The following TPP2 variants were observed in gnomAD, a reference collection of about 807,000 sequenced individuals.
TPP2 encodes the protein tripeptidyl-peptidase 2.
A neutral mutation model predicts 155.9 loss-of-function variants in TPP2; 34 were observed. The observed-to-expected ratio is 0.22, with a 90% confidence interval of 0.17 to 0.29. TPP2 has a LOEUF of 0.29. Among genes scored for constraint, TPP2 ranks in the 10% least tolerant of loss-of-function variants. The pLI is 1.00. For synonymous variants in TPP2, 510 were observed against 529.4 expected (o/e 0.96, Z 0.50); for missense variants, 1,028 against 1,522.3 (o/e 0.68, Z 5.40).
In TPP2 at chr13:102,664,863, A is replaced by G. The variant is rs1884488088; in HGVS notation, c.3309A>G (p.Thr1103=). The G allele has an allele frequency of 2.5e-6, 4 of 1,613,874 alleles. No homozygotes were observed. Among genetic ancestry groups the G allele is most frequent in the Non-Finnish European group, 3.4e-6 (4 of 1,179,856 alleles). Residue 1103 remains threonine, a synonymous_variant, in exon 27 of 30, where the codon ACA becomes ACG. Transcript: ENST00000376052. ...CTGTTATTTCTCATATAGATCAAAC[A>G]GCCCTAGCAGTTTATATTGCAATGA... ...ANAVISHIDQ[T]ALAVYIAMKT...
At position 102,597,161 on chromosome 13, in the gene TPP2, A is replaced by C; in HGVS notation, c.123A>C (p.Ala41=). ...PEYDGRGVLI[A]VLDTGVDPGA... The stretch of plus-strand genomic sequence containing the variant: ...ATGATGGGCGGGGGGTGCTCATCGC[A>C]GTCCTGGACACGGGGGTCGACCCGG... The change falls in exon 1 of 30, where the codon GCA becomes GCC. Residue 41 remains alanine, a synonymous_variant. Transcript: ENST00000376052. 6.3e-7 allele frequency: 1 copy of C among 1,589,482 alleles called. No individual in the cohort carries two copies. Among genetic ancestry groups the C allele is most frequent in the African/African-American group, 1.4e-5 (1 of 72,622 alleles).
intron 24 of TPP2, among the ~76,000 whole-genome samples, chr13:102,653,980 A>G (rs961152637): frequency 6.6e-6 from 1 of 152,174 alleles, no homozygotes; most frequent in African/African-American, 2.4e-5. Flanking sequence ...TCTAAACTTA[A>G]CATTAAATAT....
chr13:102,597,311 T>G, intron 1 of TPP2, 108 bp downstream of exon 1: 1 of 641,714 alleles, frequency 1.6e-6, no homozygotes, highest in Non-Finnish European at 2.3e-6. Context: ...TGCGGCCGAG[T>G]CCGGGCCGGG....
In TPP2 at chr13:102,642,749, G is replaced by C. The variant is rs558694816; in HGVS notation, c.2021-473G>C. ...AGTAGTCGTGCCAGGCTTTGTAGAC[G>C]CACACAGTACACAAGTAGACCAAGA... On this transcript the variant is annotated intron_variant, in intron 16 of 29. Transcript: ENST00000376052. Among the ~76,000 whole-genome samples, 16 of 152,270 alleles carry C rather than the reference G, an allele frequency of 1.1e-4. No individual in the cohort carries two copies. The South Asian group carries it at 3.1e-3, about 30-fold the overall frequency.
rs554903473 is a variant in TPP2 at position 102,650,250 on chromosome 13, C to T, written c.2952+764C>T. ...TGCCAGTAAAAGTTGTCATTCTTAA[C>T]AGTTTTGCATTTCTCTGTACTATTA... is the stretch of plus-strand genomic sequence containing the variant. On this transcript the variant is annotated intron_variant, in intron 23 of 29. Transcript: ENST00000376052. 6.6e-5 allele frequency among the ~76,000 whole-genome samples: 10 copies of T among 152,174 alleles called. No individual in the cohort carries two copies. The East Asian group carries it at 1.7e-3, about 26-fold the overall frequency.
At chr13:102,641,752 A>G (rs895469714) in intron 16 of TPP2, among the ~76,000 whole-genome samples, 4 of 152,194 alleles carry the variant, frequency 2.6e-5, no homozygotes, top group African/African-American at 9.7e-5. Context: ...ACAGCACCCA[A>G]TATAGCCTGT....
At chr13:102,640,595 A>G (rs1882688467) in intron 16 of TPP2, among the ~76,000 whole-genome samples, 1 of 148,302 alleles carries the variant, frequency 6.7e-6, no homozygotes, top group Non-Finnish European at 1.5e-5. Flanking sequence ...TGTTTTTAAT[A>G]TTTAAGGTTT....
At chr13:102,651,626 CT>C (rs1883493623) in intron 24 of TPP2, among the ~76,000 whole-genome samples, 1 of 149,664 alleles carries the variant, frequency 6.7e-6, no homozygotes, top group Non-Finnish European at 1.5e-5. Context: ...CTCATTTTCT[CT>C]GTGTATACAA....
chr13:102,658,532 T>C (rs1375020313), intron 25 of TPP2, among the ~76,000 whole-genome samples: 2 of 152,202 alleles, frequency 1.3e-5, no homozygotes, highest in Non-Finnish European at 2.9e-5. Context: ...CCAGTAAAAC[T>C]AGTGAAAATT....
chr13:102,611,181 C>G (rs35832914), intron 2 of TPP2, among the ~76,000 whole-genome samples: 59,946 of 152,026 alleles, frequency 0.39, 12,210 homozygotes, highest in African/African-American at 0.48. Context: ...TGGTTTGTAC[C>G]TACTACATTC....
chr13:102,627,473 A>G (rs1279990339), intron 7 of TPP2, among the ~76,000 whole-genome samples: 1 of 152,120 alleles, frequency 6.6e-6, no homozygotes. Context: ...CCATCAGCCT[A>G]AGAGGAATTT....
At chr13:102,618,345 A>G (rs909533699) in intron 4 of TPP2, among the ~76,000 whole-genome samples, 1 of 152,236 alleles carries the variant, frequency 6.6e-6, no homozygotes, top group African/African-American at 2.4e-5. Context: ...CTAAAAGTCA[A>G]TAGATAACCT....
At chr13:102,672,057 T>C (rs1379605281) in intron 27 of TPP2, among the ~76,000 whole-genome samples, 6 of 152,112 alleles carry the variant, frequency 3.9e-5, no homozygotes, top group South Asian at 2.1e-4. Flanking sequence ...GAGGGTTCCA[T>C]TGTGATCCAT....
intron 16 of TPP2, among the ~76,000 whole-genome samples, chr13:102,641,844 A>G (rs1478029752): frequency 6.6e-6 from 1 of 152,186 alleles, no homozygotes; most frequent in Admixed American, 6.5e-5. Context: ...ACACTCATTC[A>G]TTAAGCATAT....
At chr13:102,621,518 G>A (rs1881167559) in intron 5 of TPP2, among the ~76,000 whole-genome samples, 1 of 152,188 alleles carries the variant, frequency 6.6e-6, no homozygotes, top group Admixed American at 6.5e-5. Context: ...GAGGATGTTG[G>A]AGGAACTGTG....
chr13:102,659,963 T>TA (rs1461498516), intron 25 of TPP2, among the ~76,000 whole-genome samples: 4 of 143,996 alleles, frequency 2.8e-5, no homozygotes, highest in South Asian at 2.2e-4. Context: ...TGTATTGGGC[T>TA]AAAAAAATGA....
intron 25 of TPP2, among the ~76,000 whole-genome samples, chr13:102,659,325 C>A (rs1039458248): frequency 1.3e-5 from 2 of 152,070 alleles, no homozygotes; most frequent in East Asian, 3.9e-4. Context: ...GCTGGAAACA[C>A]CCCATATTTA....
rs150190664 is a variant in TPP2 at position 102,679,617 on chromosome 13, T to G, written c.*1301T>G. On this transcript the variant is annotated 3_prime_UTR_variant, in exon 30 of 30. Transcript: ENST00000376052. The stretch of plus-strand genomic sequence containing the variant: ...AACATAAATACATGTATAAGCATAT[T>G]GGTCACACCTTCTGGGCTAGCTAGG... 3.7e-4 allele frequency: 56 copies of G among 152,226 alleles called. No homozygotes were observed. The highest frequency in any genetic ancestry group is 1.3e-3 in the African/African-American group (54 of 41,458). The allele number at this position is 152,226 out of a possible 1,614,324, so 9.4% of individuals were successfully genotyped here.
chr13:102,652,301 G>A (rs1288848861), intron 24 of TPP2, among the ~76,000 whole-genome samples: 1 of 151,590 alleles, frequency 6.6e-6, no homozygotes, highest in East Asian at 1.9e-4. Flanking sequence ...GATCGCTTGA[G>A]CCTGGGAGGT....
Sources: gnomAD v4.1 joint callset for allele counts (sites outside exome capture counted in the v4.1 genomes callset) on GRCh38, gnomAD v4.1.1 for gene constraint, MANE v1.5 for transcripts, NCBI Gene and HGNC (gene_info 2026-07-23, HGNC 2026-07-21) for gene names.